Variants in B4GALT5 observed in about 807,000 individuals in gnomAD.
B4GALT5 encodes beta-1,4-galactosyltransferase 5, also known as UDP-Gal:beta-GlcNAc beta-1,4-galactosyltransferase 5.
B4GALT5 carries 11 observed loss-of-function variants against 45.0 expected under a neutral mutation model. The ratio of observed to expected loss-of-function variants is 0.24; its 90% CI spans 0.15 to 0.40. The LOEUF is 0.40. Ranked by LOEUF, B4GALT5 falls within the 10% of genes least tolerant of loss-of-function variation. B4GALT5 has a pLI of 1.00. For synonymous variants in B4GALT5, 185 were observed against 182.9 expected, an observed-to-expected ratio of 1.01 and a Z score of -0.09; for missense variants, 337 against 500.2, an observed-to-expected ratio of 0.67 and a Z score of 3.11.
chr20:49,695,713 G>A (rs2085837057), intron 1 of B4GALT5, among the ~76,000 whole-genome samples: 1 of 151,974 alleles, frequency 6.6e-6, no homozygotes, highest in South Asian at 2.1e-4. Flanking sequence ...TGTGGTCACT[G>A]TTAGAAATGC....
intron 1 of B4GALT5, among the ~76,000 whole-genome samples, chr20:49,704,022 CA>C (rs928455611): frequency 1.5e-3 from 230 of 152,242 alleles, no homozygotes; most frequent in African/African-American, 5.2e-3. Context: ...AGGAATAAAA[CA>C]TTTTTTTCCT....
At chr20:49,658,978 C>A (rs2085654202) in intron 1 of B4GALT5, among the ~76,000 whole-genome samples, 1 of 152,204 alleles carries the variant, frequency 6.6e-6, no homozygotes, top group South Asian at 2.1e-4. Flanking sequence ...TTACAAACAA[C>A]TTCTAGGCTT....
chr20:49,678,910 C>T (rs1037773081), intron 1 of B4GALT5, among the ~76,000 whole-genome samples: 2 of 152,034 alleles, frequency 1.3e-5, no homozygotes, highest in Admixed American at 6.5e-5. Flanking sequence ...GGGGGGAATC[C>T]CCAGGGTTCC....
In B4GALT5 at chr20:49,710,406, T is replaced by TCTTTC. The variant is rs1555815349; in HGVS notation, c.115+3169_115+3170insGAAAG. ...GTTATTTTCTGTTATTTTCTCTCTCTTTTTTTTTTTTTTGTGTGTGTGTGT... is the reference window on the plus strand; with the variant it reads ...GTTATTTTCTGTTATTTTCTCTCTCTCTTTCTTTTTTTTTTTTTGTGTGTGTGTGT... On this transcript the variant is annotated intron_variant, in intron 1 of 8. Transcript: ENST00000371711. 9.1e-4 allele frequency among the ~76,000 whole-genome samples: 26 copies of TCTTTC among 28,706 alleles called. 1 individual carries two copies. Among genetic ancestry groups the TCTTTC allele is most frequent in the Admixed American group, 7.8e-3 (24 of 3,070 alleles). 18.8% of individuals were successfully genotyped at this position (28,706 alleles called of 152,430 possible). A position where few individuals can be genotyped will look rare whatever the true frequency, so the allele number is the denominator to read the frequency against.
At chr20:49,693,183 T>A (rs2085823787) in intron 1 of B4GALT5, among the ~76,000 whole-genome samples, 1 of 152,198 alleles carries the variant, frequency 6.6e-6, no homozygotes, top group South Asian at 2.1e-4. Context: ...TGTATCCCCA[T>A]ACTTATGCAA....
At chr20:49,689,300 G>A (rs899748991) in intron 1 of B4GALT5, among the ~76,000 whole-genome samples, 1 of 152,104 alleles carries the variant, frequency 6.6e-6, no homozygotes, top group Non-Finnish European at 1.5e-5. Context: ...ACATACTGAG[G>A]ATGAAGAACC....
rs142533965 is a variant in B4GALT5, at chr20:49,666,430, C to G, written c.116-9728G>C. On this transcript the variant is annotated intron_variant, in intron 1 of 8. Coordinates refer to ENST00000371711, the MANE Select transcript of B4GALT5 (RefSeq NM_004776.4). Reference sequence around the variant, plus strand: ...TTTCTTTCTCTGAATTTACTCACATCATCATCCCACTATAAAATGTGGGAT... The same window carrying G: ...TTTCTTTCTCTGAATTTACTCACATGATCATCCCACTATAAAATGTGGGAT... 1.6e-4 allele frequency among the ~76,000 whole-genome samples: 24 copies of G among 152,308 alleles called. No homozygotes were observed. The East Asian group carries it at 4.6e-3, about 29-fold the overall frequency.
intron 1 of B4GALT5, among the ~76,000 whole-genome samples, chr20:49,675,342 G>A (rs2085732849): frequency 6.6e-6 from 1 of 152,190 alleles, no homozygotes; most frequent in African/African-American, 2.4e-5. Flanking sequence ...ACATAGCTCA[G>A]AAATGCAACA....
chr20:49,697,055 T>C (rs2085842184), intron 1 of B4GALT5, among the ~76,000 whole-genome samples: 1 of 152,264 alleles, frequency 6.6e-6, no homozygotes, highest in Admixed American at 6.5e-5. Flanking sequence ...ATGTTACTAT[T>C]CACAAATCAC....
intron 2 of B4GALT5, among the ~76,000 whole-genome samples, chr20:49,649,097 G>GGCTGCCTACTCTGCGCTGCCTACTCTGC (rs919552683): frequency 6.6e-6 from 1 of 152,068 alleles, no homozygotes; most frequent in Non-Finnish European, 1.5e-5. Context: ...ATATGCACAC[G>GGCTGCCTACTCTGCGCTGCCTACTCTGC]GCTGCCTACT....
chr20:49,699,460 T>C (rs1332321129), intron 1 of B4GALT5, among the ~76,000 whole-genome samples: 1 of 151,522 alleles, frequency 6.6e-6, no homozygotes, highest in Non-Finnish European at 1.5e-5. Flanking sequence ...CGGACATGAT[T>C]AATCTGAAAC....
intron 1 of B4GALT5, among the ~76,000 whole-genome samples, chr20:49,680,360 A>T (rs1036626142): frequency 1.3e-5 from 2 of 152,202 alleles, no homozygotes; most frequent in Non-Finnish European, 2.9e-5. Context: ...TTGTTTTAAA[A>T]AATAATAATA....
intron 1 of B4GALT5, among the ~76,000 whole-genome samples, chr20:49,669,297 G>C (rs1277915523): frequency 6.6e-6 from 1 of 152,108 alleles, no homozygotes; most frequent in African/African-American, 2.4e-5. Flanking sequence ...ACAAATTTGA[G>C]CATGTCTCTC....
intron 6 of B4GALT5, among the ~76,000 whole-genome samples, 160 bp from the exon 7 acceptor site, chr20:49,639,960 T>C (rs2085569053): frequency 6.6e-6 from 1 of 152,246 alleles, no homozygotes; most frequent in Non-Finnish European, 1.5e-5. Context: ...AAACTGATTT[T>C]TAATAGCTTT....
intron 1 of B4GALT5, among the ~76,000 whole-genome samples, chr20:49,687,575 C>T (rs1406094875): frequency 5.3e-5 from 8 of 151,866 alleles, no homozygotes; most frequent in African/African-American, 9.7e-5. Context: ...ACTCGGGAGG[C>T]GGAGGTTGCA....
chr20:49,702,216 TAAA>T (rs1214572911), intron 1 of B4GALT5, among the ~76,000 whole-genome samples: 1 of 151,894 alleles, frequency 6.6e-6, no homozygotes, highest in Non-Finnish European at 1.5e-5. Flanking sequence ...CAGAGAATAA[TAAA>T]GAAAGAAAAC....
At chr20:49,679,012 G>A (rs1462663266) in intron 1 of B4GALT5, among the ~76,000 whole-genome samples, 1 of 152,134 alleles carries the variant, frequency 6.6e-6, no homozygotes, top group African/African-American at 2.4e-5. Flanking sequence ...GGCTGGGGGT[G>A]GGGAGGGTAA....
intron 1 of B4GALT5, among the ~76,000 whole-genome samples, chr20:49,687,969 T>A (rs1448546137): frequency 6.6e-6 from 1 of 151,474 alleles, no homozygotes; most frequent in African/African-American, 2.4e-5. Context: ...TCCGGAAGGG[T>A]AAACCCTTTA....
At chr20:49,669,986 A>G (rs1320310896) in intron 1 of B4GALT5, among the ~76,000 whole-genome samples, 1 of 152,250 alleles carries the variant, frequency 6.6e-6, no homozygotes, top group East Asian at 1.9e-4. Context: ...TATTCTATGC[A>G]CAAAGTTTTT....
Sources: gnomAD v4.1 joint callset for allele counts (sites outside exome capture counted in the v4.1 genomes callset) on GRCh38, gnomAD v4.1.1 for gene constraint, MANE v1.5 for transcripts, NCBI Gene and HGNC (gene_info 2026-07-23, HGNC 2026-07-21) for gene names.